MIPOL1: variants seen among roughly 807,000 people sequenced by gnomAD.
MIPOL1 encodes the protein mirror-image polydactyly 1.
In MIPOL1, 57 loss-of-function variants were observed where a neutral mutation model predicts 60.9. The observed-to-expected ratio is 0.94, with a 90% CI of 0.76 to 1.17. MIPOL1 has a LOEUF of 1.17. Ranked by LOEUF, MIPOL1 falls within the 50% of genes most tolerant of loss-of-function variation. The pLI is 0.00. For missense variants in MIPOL1, 551 were observed against 511.6 expected (o/e 1.08, Z -0.74); for synonymous variants, 179 against 168.8 (o/e 1.06, Z -0.47).
intron 1 of MIPOL1, among the ~76,000 whole-genome samples, chr14:37,222,894 C>T (rs1185600315): frequency 6.6e-6 from 1 of 152,268 alleles, no homozygotes; most frequent in East Asian, 1.9e-4. Context: ...TATATAGCAA[C>T]AGCCCTACTC....
chr14:37,213,282 A>G (rs1967011925), intron 1 of MIPOL1, among the ~76,000 whole-genome samples: 1 of 152,204 alleles, frequency 6.6e-6, no homozygotes, highest in Non-Finnish European at 1.5e-5. Context: ...AGAGAATTCA[A>G]AATAGCTGTG....
intron 1 of MIPOL1, among the ~76,000 whole-genome samples, chr14:37,214,129 C>A (rs1002982075): frequency 1.3e-5 from 2 of 152,046 alleles, no homozygotes; most frequent in Non-Finnish European, 2.9e-5. Flanking sequence ...AAATAATTGC[C>A]TGAAGGTACA....
At chr14:37,374,963 T>A (rs145184530) in intron 10 of MIPOL1, among the ~76,000 whole-genome samples, 53 of 152,282 alleles carry the variant, frequency 3.5e-4, no homozygotes, top group Admixed American at 5.9e-4. Flanking sequence ...AATCTATAAA[T>A]TACCTTGGGC....
At chr14:37,388,461 G>A (rs2093136994) in intron 10 of MIPOL1, among the ~76,000 whole-genome samples, 1 of 150,220 alleles carries the variant, frequency 6.7e-6, no homozygotes, top group Non-Finnish European at 1.5e-5. Context: ...CTAACTTCCA[G>A]AGATTATTTT....
chr14:37,468,053 C>CAAAAA (rs1231830627), intron 11 of MIPOL1, among the ~76,000 whole-genome samples: 1 of 101,810 alleles, frequency 9.8e-6, no homozygotes, highest in Non-Finnish European at 2.1e-5. Flanking sequence ...GTCTCCATCT[C>CAAAAA]AAAAAAAAAA....
chr14:37,434,014 A>T (rs927869862), intron 11 of MIPOL1, among the ~76,000 whole-genome samples: 4 of 152,182 alleles, frequency 2.6e-5, no homozygotes, highest in Admixed American at 2.6e-4. Flanking sequence ...TGTCTTTATC[A>T]TAAAATGATT....
intron 1 of MIPOL1, among the ~76,000 whole-genome samples, chr14:37,243,556 T>C (rs1972682628): frequency 1.0e-5 from 1 of 95,242 alleles, no homozygotes; most frequent in Non-Finnish European, 2.7e-5. Context: ...TAAAATGAAG[T>C]ATTGTAAATG....
At chr14:37,540,946 CT>C (rs2095527258) in intron 12 of MIPOL1, among the ~76,000 whole-genome samples, 1 of 152,178 alleles carries the variant, frequency 6.6e-6, no homozygotes, top group Non-Finnish European at 1.5e-5. Context: ...GTAATTGCTT[CT>C]GATCTCCTGA....
At chr14:37,485,032 C>G (rs565189372) in intron 11 of MIPOL1, among the ~76,000 whole-genome samples, 2 of 152,230 alleles carry the variant, frequency 1.3e-5, no homozygotes, top group South Asian at 2.1e-4. Context: ...TGTGATGCTG[C>G]CTTCCCTGTG....
intron 1 of MIPOL1, among the ~76,000 whole-genome samples, chr14:37,224,108 A>T (rs1054058655): frequency 3.3e-5 from 5 of 152,168 alleles, no homozygotes; most frequent in Non-Finnish European, 7.3e-5. Flanking sequence ...GTATCTAAAT[A>T]TTTATTTTAT....
At chr14:37,334,605 A>G (rs993161524) in intron 9 of MIPOL1, among the ~76,000 whole-genome samples, 12 of 151,958 alleles carry the variant, frequency 7.9e-5, no homozygotes, top group Non-Finnish European at 1.5e-4. Flanking sequence ...CTACAATTTT[A>G]GAACATTTTT....
chr14:37,215,639 A>G (rs1216750528), intron 1 of MIPOL1, among the ~76,000 whole-genome samples: 2 of 152,230 alleles, frequency 1.3e-5, no homozygotes, highest in Non-Finnish European at 2.9e-5. Context: ...TTACTCATCA[A>G]TAACAATGTT....
At chr14:37,293,669 C>A (rs1009413789) in intron 7 of MIPOL1, among the ~76,000 whole-genome samples, 1 of 152,172 alleles carries the variant, frequency 6.6e-6, no homozygotes, top group Non-Finnish European at 1.5e-5. Context: ...ATATCCCACA[C>A]CTAGATCGGA....
chr14:37,488,477 G>C (rs2094989385), intron 11 of MIPOL1, among the ~76,000 whole-genome samples: 2 of 152,100 alleles, frequency 1.3e-5, no homozygotes, highest in African/African-American at 4.8e-5. Context: ...GGGTCTCTAA[G>C]AACTTGCTTT....
intron 12 of MIPOL1, among the ~76,000 whole-genome samples, chr14:37,533,541 A>G (rs189974857): frequency 1.3e-5 from 2 of 152,326 alleles, no homozygotes; most frequent in East Asian, 3.9e-4. Flanking sequence ...GATACTCTAT[A>G]AGCCTTCAGT....
chr14:37,354,178 C>T (rs1450331415), intron 9 of MIPOL1, among the ~76,000 whole-genome samples: 1 of 151,842 alleles, frequency 6.6e-6, no homozygotes. Context: ...AGTAGTCATT[C>T]AGGAGCAGGT....
Position 37,551,181 on chromosome 14 carries a change from G to T in MIPOL1, c.*4210G>T, listed in dbSNP as rs1054746187. On this transcript the variant is annotated 3_prime_UTR_variant, in exon 13 of 13. Transcript: ENST00000684589. ...GGACTATCTGATTATTAACAAAGAT[G>T]TATTTTAATGCACAAACTCAAATGT... The T allele has an allele frequency of 6.6e-6, 1 of 152,064 alleles. No individual in the cohort carries two copies. Among genetic ancestry groups the T allele is most frequent in the Non-Finnish European group, 1.5e-5 (1 of 68,000 alleles). The allele number at this position is 152,064 out of a possible 1,614,324, so 9.4% of individuals were successfully genotyped here.
intron 7 of MIPOL1, among the ~76,000 whole-genome samples, chr14:37,295,919 T>C (rs1236270211): frequency 5.3e-5 from 8 of 151,884 alleles, no homozygotes; most frequent in Non-Finnish European, 1.2e-4. Flanking sequence ...AACAAGGATA[T>C]CCAGGAATTG....
chr14:37,211,796 C>T (rs1966849641), intron 1 of MIPOL1, among the ~76,000 whole-genome samples: 1 of 151,770 alleles, frequency 6.6e-6, no homozygotes, highest in Non-Finnish European at 1.5e-5. Flanking sequence ...TGCGTAGCTC[C>T]CAGTTCCAAA....
Sources: allele counts gnomAD v4.1 joint callset (sites outside exome capture counted in the v4.1 genomes callset), GRCh38; gene constraint gnomAD v4.1.1; transcripts MANE v1.5; gene names NCBI Gene and HGNC (gene_info 2026-07-23, HGNC 2026-07-21).